MCC: variants seen among roughly 807,000 people sequenced by gnomAD.
The protein encoded by MCC is colorectal mutant cancer protein.
Under a neutral mutation model 116.2 loss-of-function variants are expected in MCC, and 90 were observed. That is an observed-to-expected ratio of 0.77 (90% CI 0.65 to 0.92). The LOEUF is 0.92. Among genes scored for constraint, MCC ranks in the 40% least tolerant of loss-of-function variants. The pLI is 0.00. For missense variants in MCC, 1,516 were observed against 1,312.2 expected (o/e 1.16, Z -2.40); for synonymous variants, 578 against 510.5 (o/e 1.13, Z -1.78).
intron 1 of MCC, among the ~76,000 whole-genome samples, chr5:113,477,977 G>A (rs1027839764): frequency 2.6e-5 from 4 of 152,188 alleles, no homozygotes; most frequent in Non-Finnish European, 4.4e-5. Context: ...CAGAGATGAT[G>A]GAATTGGCAG....
intron 3 of MCC, among the ~76,000 whole-genome samples, chr5:113,278,341 G>T (rs2150356079): frequency 6.6e-6 from 1 of 152,264 alleles, no homozygotes; most frequent in South Asian, 2.1e-4. Context: ...AATGCTGAGG[G>T]TCAGGCACTA....
intron 3 of MCC, among the ~76,000 whole-genome samples, chr5:113,201,687 G>C (rs1762687468): frequency 6.6e-6 from 1 of 152,112 alleles, no homozygotes; most frequent in East Asian, 1.9e-4. Flanking sequence ...TTGATTTTTA[G>C]GTGCTCCTAT....
intron 1 of MCC, among the ~76,000 whole-genome samples, chr5:113,413,898 T>C (rs1770065953): frequency 6.6e-6 from 1 of 152,248 alleles, no homozygotes; most frequent in African/African-American, 2.4e-5. Flanking sequence ...TGCTTTCTCT[T>C]GTAGGCATTT....
chr5:113,254,604 T>C (rs140466469), intron 3 of MCC, among the ~76,000 whole-genome samples: 1 of 152,308 alleles, frequency 6.6e-6, no homozygotes, highest in African/African-American at 2.4e-5. Flanking sequence ...GCCATGATCC[T>C]AAGCCACTAA....
At chr5:113,133,314 A>G (rs1026474788) in intron 5 of MCC, among the ~76,000 whole-genome samples, 1 of 152,076 alleles carries the variant, frequency 6.6e-6, no homozygotes. Flanking sequence ...CCCAGCCTCT[A>G]ATAACCACCA....
At chr5:113,451,282 G>C (rs751286036) in intron 1 of MCC, among the ~76,000 whole-genome samples, 1 of 152,182 alleles carries the variant, frequency 6.6e-6, no homozygotes, top group Non-Finnish European at 1.5e-5. Flanking sequence ...ATAAAGCAAG[G>C]GATCTTTTAG....
At chr5:113,244,144 G>A (rs1296127063) in intron 3 of MCC, among the ~76,000 whole-genome samples, 1 of 152,118 alleles carries the variant, frequency 6.6e-6, no homozygotes, top group Non-Finnish European at 1.5e-5. Context: ...TAATAGATCT[G>A]GCTTCTCTAA....
At chr5:113,049,337 C>A in intron 15 of MCC, 38 bp from the exon 16 acceptor site, 2 of 1,507,956 alleles carry the variant, frequency 1.3e-6, no homozygotes, top group South Asian at 1.3e-5. Context: ...GAGGCATGCC[C>A]TATCTGAGAG....
At chr5:113,172,246 T>C (rs1761109181) in intron 3 of MCC, among the ~76,000 whole-genome samples, 1 of 152,190 alleles carries the variant, frequency 6.6e-6, no homozygotes. Context: ...AATGTTTTTG[T>C]CTGTCTGAAC....
At chr5:113,111,354 A>G (rs1757081263) in intron 6 of MCC, among the ~76,000 whole-genome samples, 1 of 152,062 alleles carries the variant, frequency 6.6e-6, no homozygotes, top group Non-Finnish European at 1.5e-5. Flanking sequence ...CGTTAGGTTC[A>G]TTGGTGTATC....
At chr5:113,043,140 T>G (rs1252565095) in intron 17 of MCC, among the ~76,000 whole-genome samples, 1 of 152,158 alleles carries the variant, frequency 6.6e-6, no homozygotes, top group Non-Finnish European at 1.5e-5. Flanking sequence ...ACTAAATAAA[T>G]ACACAAAGCT....
intron 3 of MCC, among the ~76,000 whole-genome samples, chr5:113,248,762 G>C (rs577417312): frequency 4.8e-4 from 73 of 151,766 alleles, no homozygotes; most frequent in African/African-American, 1.7e-3. Context: ...CCCCTCAGCA[G>C]AAACAGGACA....
chr5:113,177,343 T>G (rs374710001), intron 3 of MCC, among the ~76,000 whole-genome samples: 2 of 152,224 alleles, frequency 1.3e-5, no homozygotes, highest in African/African-American at 4.8e-5. Context: ...AAGACTAACA[T>G]TGACTAGTTC....
intron 8 of MCC, among the ~76,000 whole-genome samples, chr5:113,091,451 C>T (rs1247572406): frequency 6.6e-6 from 1 of 152,216 alleles, no homozygotes; most frequent in Non-Finnish European, 1.5e-5. Flanking sequence ...GAGCTGAATT[C>T]ACCCTAGGGG....
rs1347518801 is a variant in MCC at position 113,464,128 on chromosome 5, T to C, written c.170+24117A>G. Reference sequence around the variant, plus strand: ...TAGCATTGATTCAATGAAGTGACAATAGGGCACCATGAAGTGACAAATGCC... The same window carrying C: ...TAGCATTGATTCAATGAAGTGACAACAGGGCACCATGAAGTGACAAATGCC... On this transcript the variant is annotated intron_variant, in intron 1 of 18. Transcript: ENST00000408903. 2.0e-5 allele frequency among the ~76,000 whole-genome samples: 3 copies of C among 152,120 alleles called. No homozygotes were observed. The South Asian group carries it at 6.2e-4, about 32-fold the overall frequency.
At chr5:113,381,011 G>C (rs897947994) in intron 2 of MCC, among the ~76,000 whole-genome samples, 1 of 152,212 alleles carries the variant, frequency 6.6e-6, no homozygotes, top group Admixed American at 6.5e-5. Context: ...ATTGAACTAA[G>C]CATGATTTTA....
At chr5:113,343,293 A>T (rs1231226835) in intron 2 of MCC, among the ~76,000 whole-genome samples, 4 of 152,162 alleles carry the variant, frequency 2.6e-5, no homozygotes, top group African/African-American at 9.7e-5. Flanking sequence ...GGGATGCATC[A>T]ACTGTTTTGT....
At chr5:113,287,467 C>A (rs1475621346) in intron 3 of MCC, among the ~76,000 whole-genome samples, 1 of 152,130 alleles carries the variant, frequency 6.6e-6, no homozygotes, top group Non-Finnish European at 1.5e-5. Flanking sequence ...GCTGGGATTA[C>A]AAGTGCCCGC....
chr5:113,414,568 T>C (rs189388853), intron 1 of MCC, among the ~76,000 whole-genome samples: 114 of 152,320 alleles, frequency 7.5e-4, no homozygotes, highest in African/African-American at 2.7e-3. Context: ...GTCCGTTTTA[T>C]CAGAGACTAG....
Sources: allele counts gnomAD v4.1 joint callset (sites outside exome capture counted in the v4.1 genomes callset), GRCh38; gene constraint gnomAD v4.1.1; transcripts MANE v1.5; gene names NCBI Gene and HGNC (gene_info 2026-07-23, HGNC 2026-07-21).